Variants in RGPD2 observed in about 807,000 individuals in gnomAD.
RGPD2 encodes the protein RANBP2 like and GRIP domain containing 2, also known as RANBP2-like and GRIP domain-containing protein 2.
RGPD2 carries 2 observed loss-of-function variants against 36.0 expected under a neutral mutation model. The observed-to-expected ratio is 0.06, with a 90% CI of 0.02 to 0.17. RGPD2 has a LOEUF of 0.17. Among genes scored for constraint, RGPD2 ranks in the 10% least tolerant of loss-of-function variants. The pLI, the probability that RGPD2 is intolerant of heterozygous loss-of-function variation, is 1.00. For missense variants in RGPD2, 40 were observed against 464.3 expected, an observed-to-expected ratio of 0.09 and a Z score of 8.40; for synonymous variants, 19 against 163.8, an observed-to-expected ratio of 0.12 and a Z score of 6.75.
the RGPD2 span, among the ~76,000 whole-genome samples, chr2:87,876,479 T>C: frequency 2.6e-5 from 4 of 152,260 alleles, no homozygotes; most frequent in African/African-American, 9.6e-5. Flanking sequence ...CTTAATTTTA[T>C]TATTTACCCA....
the RGPD2 span, among the ~76,000 whole-genome samples, chr2:87,871,654 T>C: frequency 3.9e-5 from 6 of 151,980 alleles, no homozygotes; most frequent in Admixed American, 3.9e-4. Context: ...TTACCCGAGA[T>C]TGGGAATTTG....
chr2:87,983,135 C>G, the RGPD2 span, among the ~76,000 whole-genome samples: 1 of 150,394 alleles, frequency 6.6e-6, no homozygotes, highest in African/African-American at 2.4e-5. Context: ...GCATAGCCCA[C>G]ATGGCAAAAC....
At chr2:87,882,705 T>C in the RGPD2 span, among the ~76,000 whole-genome samples, 1 of 152,240 alleles carries the variant, frequency 6.6e-6, no homozygotes, top group African/African-American at 2.4e-5. Context: ...TTAACAATAT[T>C]AATTCTACTA....
At chr2:87,848,663 AT>A in the RGPD2 span, among the ~76,000 whole-genome samples, 1 of 145,234 alleles carries the variant, frequency 6.9e-6, no homozygotes. Context: ...GAGGATTAAA[AT>A]CTTTATGATA....
chr2:87,968,758 G>C, the RGPD2 span: 2 of 217,724 alleles, frequency 9.2e-6, no homozygotes, highest in South Asian at 1.2e-4. Flanking sequence ...ACTGCCGAGG[G>C]CTCATCGAAA....
upstream of RGPD2, among the ~76,000 whole-genome samples, chr2:87,829,921 CAG>C (rs1686931668): frequency 7.2e-6 from 1 of 138,334 alleles, no homozygotes; most frequent in African/African-American, 2.7e-5. Flanking sequence ...AGCATTAACT[CAG>C]AAGTCCACAG....
At chr2:87,826,141 T>C (rs935048278), upstream of RGPD2, among the ~76,000 whole-genome samples, 6 of 152,244 alleles carry the variant, frequency 3.9e-5, no homozygotes, top group Non-Finnish European at 8.8e-5. Context: ...TAAGAATTAT[T>C]TTCTCTTTGT....
the RGPD2 span, among the ~76,000 whole-genome samples, chr2:87,897,087 G>A: frequency 3.9e-5 from 6 of 152,374 alleles, no homozygotes; most frequent in East Asian, 9.6e-4. Context: ...TGTTTCAGGA[G>A]TTGCCTGGCT....
chr2:87,874,678 TG>T, the RGPD2 span, among the ~76,000 whole-genome samples: 1 of 152,140 alleles, frequency 6.6e-6, no homozygotes, highest in Admixed American at 6.5e-5. Flanking sequence ...CAGCTTTGTT[TG>T]TTTTTCTTAG....
chr2:87,785,168 A>G lies in RGPD2; in HGVS notation c.2583T>C (p.Val861=). ...SQTFHGAPLT[V]ATTGPSVYYS... ...AATATACTGAAGGGCCAGTAGTTGC[A>G]ACTAAAAAAAAAAAAAGAAAAGAAA... Residue 861 remains valine, a splice_region_variant and synonymous_variant, in exon 19 of 23, where the codon GTT becomes GTC. Transcript: ENST00000398146. 6.5e-7 allele frequency: 1 copy of G among 1,537,710 alleles called. No individual in the cohort carries two copies. Among genetic ancestry groups the G allele is most frequent in the South Asian group, 1.2e-5 (1 of 82,736 alleles).
the RGPD2 span, among the ~76,000 whole-genome samples, chr2:87,983,523 A>G: frequency 8.2e-6 from 1 of 122,452 alleles, no homozygotes; most frequent in Non-Finnish European, 1.7e-5. Context: ...GGTCCTGGAG[A>G]GAGAGAGTAG....
chr2:87,984,496 G>A, the RGPD2 span, among the ~76,000 whole-genome samples: 59 of 149,976 alleles, frequency 3.9e-4, 1 homozygote, highest in Non-Finnish European at 3.0e-5. Context: ...ATGATAACGG[G>A]AAATTTTCAT....
chr2:87,824,387 C>T (rs1457187744), intron 1 of RGPD2, among the ~76,000 whole-genome samples: 1 of 151,996 alleles, frequency 6.6e-6, no homozygotes. Context: ...GATATACAGA[C>T]GCATCATCAC....
the RGPD2 span, among the ~76,000 whole-genome samples, chr2:87,937,449 G>A: frequency 9.9e-5 from 15 of 151,902 alleles, no homozygotes; most frequent in African/African-American, 2.2e-4. Context: ...CTGTAGGAGC[G>A]TGACACCAGC....
the RGPD2 span, among the ~76,000 whole-genome samples, chr2:87,890,550 G>C: frequency 2.6e-5 from 4 of 151,988 alleles, no homozygotes; most frequent in African/African-American, 9.7e-5. Context: ...ATGAATTTAT[G>C]TTAAGTGAAT....
chr2:87,861,512 T>C, the RGPD2 span, among the ~76,000 whole-genome samples: 1 of 152,272 alleles, frequency 6.6e-6, no homozygotes, highest in East Asian at 1.9e-4. Flanking sequence ...TGTCTGCAAA[T>C]GGAATTAATT....
chr2:87,968,887 G>A, the RGPD2 span: 1 of 162,322 alleles, frequency 6.2e-6, no homozygotes, highest in Non-Finnish European at 1.2e-5. Context: ...TCTTCTTCTG[G>A]TATTATGTTT....
the RGPD2 span, among the ~76,000 whole-genome samples, chr2:87,971,433 A>G: frequency 7.5e-6 from 1 of 133,204 alleles, no homozygotes; most frequent in African/African-American, 2.8e-5. Flanking sequence ...TGTTATAGAC[A>G]TATATATATA....
the RGPD2 span, among the ~76,000 whole-genome samples, chr2:87,961,681 G>A: frequency 3.2e-4 from 31 of 97,290 alleles, no homozygotes; most frequent in African/African-American, 1.0e-3. Flanking sequence ...AAGCCTGGGC[G>A]AGAGTAAGAC....
Sources: allele counts gnomAD v4.1 joint callset (sites outside exome capture counted in the v4.1 genomes callset), GRCh38; gene constraint gnomAD v4.1.1; transcripts MANE v1.5; gene names NCBI Gene and HGNC (gene_info 2026-07-23, HGNC 2026-07-21).